Variants in FRMD4B observed in about 807,000 individuals in gnomAD.
FRMD4B encodes FERM domain containing 4B.
A neutral mutation model predicts 141.5 loss-of-function variants in FRMD4B; 74 were observed. That is an observed-to-expected ratio of 0.52 (90% CI 0.43 to 0.63). The LOEUF is 0.63. Among genes scored for constraint, FRMD4B ranks in the 30% least tolerant of loss-of-function variants. The pLI, the probability that FRMD4B is intolerant of heterozygous loss-of-function variation, is 0.00. For synonymous variants in FRMD4B, 506 were observed against 467.9 expected, an observed-to-expected ratio of 1.08 and a Z score of -1.05; for missense variants, 1,366 against 1,253.4, an observed-to-expected ratio of 1.09 and a Z score of -1.36.
At chr3:69,472,981 A>G (rs1705922708) in intron 1 of FRMD4B, among the ~76,000 whole-genome samples, 1 of 100,796 alleles carries the variant, frequency 9.9e-6, no homozygotes, top group Non-Finnish European at 1.9e-5. Context: ...CTTATTTTTG[A>G]CTAATTCCCT....
chr3:69,225,040 T>C (rs2093236993), intron 7 of FRMD4B, among the ~76,000 whole-genome samples: 1 of 152,184 alleles, frequency 6.6e-6, no homozygotes, highest in African/African-American at 2.4e-5. Context: ...CTACATAATA[T>C]TCATCATGGT....
intron 3 of FRMD4B, among the ~76,000 whole-genome samples, chr3:69,307,206 T>G (rs1214855443): frequency 6.6e-6 from 1 of 151,994 alleles, no homozygotes; most frequent in African/African-American, 2.4e-5. Flanking sequence ...TATAGTTACC[T>G]CCTTTGGTTG....
chr3:69,214,937 T>C (rs1291278128), intron 11 of FRMD4B, among the ~76,000 whole-genome samples: 1 of 151,962 alleles, frequency 6.6e-6, no homozygotes, highest in Non-Finnish European at 1.5e-5. Flanking sequence ...TGAAGTGCAG[T>C]GGCGTGATCT....
intron 5 of FRMD4B, among the ~76,000 whole-genome samples, chr3:69,266,356 C>T (rs2093562038): frequency 6.6e-6 from 1 of 152,124 alleles, no homozygotes; most frequent in South Asian, 2.1e-4. Context: ...TGAGATGGAG[C>T]AGCCTGCCGC....
At chr3:69,456,518 C>T (rs1705617270) in intron 1 of FRMD4B, among the ~76,000 whole-genome samples, 1 of 151,984 alleles carries the variant, frequency 6.6e-6, no homozygotes, top group African/African-American at 2.4e-5. Context: ...TTATGCTACA[C>T]TAGAAAGCTG....
intron 1 of FRMD4B, among the ~76,000 whole-genome samples, chr3:69,383,893 T>A (rs1575780549): frequency 6.6e-6 from 1 of 152,302 alleles, no homozygotes; most frequent in East Asian, 1.9e-4. Flanking sequence ...ACATTCAAAT[T>A]ATTCTCTTCT....
chr3:69,511,313 AT>A (rs1343122115), intron 1 of FRMD4B, among the ~76,000 whole-genome samples: 1 of 152,094 alleles, frequency 6.6e-6, no homozygotes, highest in Non-Finnish European at 1.5e-5. Context: ...AGAATTTATA[AT>A]TTTTTTAATG....
In FRMD4B at chr3:69,270,569, C is replaced by CTTTTTTTTTTTTTTTTTTT. The variant is rs57693333; in HGVS notation, c.501+17182_501+17183insAAAAAAAAAAAAAAAAAAA. On this transcript the variant is annotated intron_variant, in intron 5 of 22. Transcript: ENST00000398540. ...AAGCATTTTCTTTTTTTCTTTTTTTCTTTTTTTTTTTTTTTGAGACGGAGT... is the reference window on the plus strand; with the variant it reads ...AAGCATTTTCTTTTTTTCTTTTTTTCTTTTTTTTTTTTTTTTTTTTTTTTTTTTTTTTTTGAGACGGAGT... 1.2e-4 allele frequency among the ~76,000 whole-genome samples: 17 copies of CTTTTTTTTTTTTTTTTTTT among 144,790 alleles called. 1 individual carries two copies. The highest frequency in any genetic ancestry group is 2.2e-4 in the South Asian group (1 of 4,536). 95.0% of individuals were successfully genotyped at this position (144,790 alleles called of 152,430 possible).
chr3:69,394,937 G>A (rs1704449104), intron 2 of FRMD4B, among the ~76,000 whole-genome samples: 1 of 152,094 alleles, frequency 6.6e-6, no homozygotes, highest in African/African-American at 2.4e-5. Flanking sequence ...ACACCCGCCT[G>A]TTCTCACTCA....
chr3:69,362,808 T>C (rs1205830874), intron 1 of FRMD4B, among the ~76,000 whole-genome samples: 1 of 152,160 alleles, frequency 6.6e-6, no homozygotes, highest in Non-Finnish European at 1.5e-5. Flanking sequence ...AATTTCTTTC[T>C]ATTCCTGCCC....
intron 2 of FRMD4B, among the ~76,000 whole-genome samples, chr3:69,398,881 T>C (rs1208836697): frequency 6.6e-6 from 1 of 152,210 alleles, no homozygotes; most frequent in Non-Finnish European, 1.5e-5. Flanking sequence ...TAGTCTATGA[T>C]ATCCAAACAT....
chr3:69,473,268 G>C (rs1222748390), intron 1 of FRMD4B, among the ~76,000 whole-genome samples: 1 of 152,050 alleles, frequency 6.6e-6, no homozygotes, highest in Non-Finnish European at 1.5e-5. Context: ...GCTTGACAAG[G>C]GTGAGGTCAG....
At chr3:69,308,396 G>A (rs1405341001) in intron 3 of FRMD4B, among the ~76,000 whole-genome samples, 1 of 149,888 alleles carries the variant, frequency 6.7e-6, no homozygotes, top group African/African-American at 2.4e-5. Flanking sequence ...CCCTCCTCCT[G>A]TACCACTTTC....
At chr3:69,350,373 G>C (rs1483043660) in intron 1 of FRMD4B, among the ~76,000 whole-genome samples, 2 of 152,184 alleles carry the variant, frequency 1.3e-5, no homozygotes, top group African/African-American at 4.8e-5. Flanking sequence ...GACACTGTTG[G>C]TGGGACTGTA....
intron 1 of FRMD4B, among the ~76,000 whole-genome samples, chr3:69,465,735 G>A (rs894290836): frequency 6.6e-6 from 1 of 152,066 alleles, no homozygotes; most frequent in Admixed American, 6.5e-5. Context: ...CCTTTTTTAT[G>A]GCTATATAGT....
chr3:69,247,655 TTTC>T (rs919715275), intron 7 of FRMD4B, among the ~76,000 whole-genome samples: 3 of 151,788 alleles, frequency 2.0e-5, no homozygotes, highest in African/African-American at 7.3e-5. Context: ...CCCAGCTAAT[TTTC>T]TTTTTTTTGA....
chr3:69,460,701 A>G (rs567377211), intron 1 of FRMD4B, among the ~76,000 whole-genome samples: 1 of 152,300 alleles, frequency 6.6e-6, no homozygotes, highest in East Asian at 1.9e-4. Flanking sequence ...CATAGACAAT[A>G]TGGAAACAAA....
chr3:69,208,243 T>C (rs1193831631), intron 11 of FRMD4B, among the ~76,000 whole-genome samples: 5 of 152,110 alleles, frequency 3.3e-5, no homozygotes, highest in African/African-American at 9.7e-5. Context: ...TTTTGTATTT[T>C]AGTAGAGACG....
chr3:69,522,456 T>C (rs1385038984), intron 1 of FRMD4B, among the ~76,000 whole-genome samples: 1 of 152,098 alleles, frequency 6.6e-6, no homozygotes, highest in Non-Finnish European at 1.5e-5. Flanking sequence ...CCACATCATA[T>C]TGGTCAGAAC....
Sources: allele counts gnomAD v4.1 joint callset (sites outside exome capture counted in the v4.1 genomes callset), GRCh38; gene constraint gnomAD v4.1.1; transcripts MANE v1.5; gene names NCBI Gene and HGNC (gene_info 2026-07-23, HGNC 2026-07-21).